The following CLASP2 variants were observed in gnomAD, a reference collection of about 807,000 sequenced individuals.
CLASP2 encodes cytoplasmic linker associated protein 2.
CLASP2 carries 47 observed loss-of-function variants against 194.4 expected under a neutral mutation model. The observed-to-expected ratio is 0.24, with a 90% CI of 0.19 to 0.31. The LOEUF (loss-of-function observed/expected upper bound fraction) is 0.31. Ranked by LOEUF, CLASP2 falls within the 10% of genes least tolerant of loss-of-function variation. The pLI is 1.00. For synonymous variants in CLASP2, 619 were observed against 633.5 expected (o/e 0.98, Z 0.34); for missense variants, 1,445 against 1,823.6 (o/e 0.79, Z 3.78).
intron 9 of CLASP2, among the ~76,000 whole-genome samples, chr3:33,631,218 A>G (rs2079025744): frequency 6.6e-6 from 1 of 152,236 alleles, no homozygotes; most frequent in Non-Finnish European, 1.5e-5. Context: ...GACAACAACA[A>G]GTATTGGCAA....
In CLASP2 at chr3:33,619,831, T is replaced by C. The variant is rs1410170922; in HGVS notation, c.1182-93A>G. The C allele has an allele frequency of 5.6e-6, 6 of 1,080,116 alleles. No individual in the cohort carries two copies. The African/African-American group carries it at 9.9e-5, about 18-fold the overall frequency. 66.9% of individuals were successfully genotyped at this position (1,080,116 alleles called of 1,614,324 possible). ...TAAAATACTCTTTTACTGAATTAACTTAGGAATTTGTATTTTAATCAGTTG... is the reference window on the plus strand; with the variant it reads ...TAAAATACTCTTTTACTGAATTAACCTAGGAATTTGTATTTTAATCAGTTG... On this transcript the variant is annotated intron_variant, in intron 11 of 38. Coordinates refer to ENST00000682230, the MANE Select transcript of CLASP2 (RefSeq NM_001365631.1).
intron 7 of CLASP2, among the ~76,000 whole-genome samples, chr3:33,647,362 G>A (rs1334013949): frequency 6.6e-6 from 1 of 152,118 alleles, no homozygotes; most frequent in African/African-American, 2.4e-5. Context: ...TGTTAAAAAT[G>A]CAAATTCCTG....
In CLASP2 at chr3:33,711,885, G is replaced by T. The variant is rs1575786627; in HGVS notation, c.195+5923C>A. 2.0e-5 allele frequency among the ~76,000 whole-genome samples: 3 copies of T among 152,120 alleles called. No homozygotes were observed. In the South Asian group the frequency reaches 6.2e-4, roughly 32 times the overall value. On this transcript the variant is annotated intron_variant, in intron 1 of 38. Coordinates refer to ENST00000682230, the MANE Select transcript of CLASP2 (RefSeq NM_001365631.1). Reference sequence around the variant, plus strand: ...AAGAGTCAAAAAACAATGGATGTTGGTGTCATGTGATGTGATGAAAAAGGA... The same window carrying T: ...AAGAGTCAAAAAACAATGGATGTTGTTGTCATGTGATGTGATGAAAAAGGA...
chr3:33,531,866 T>A (rs2056394347), intron 34 of CLASP2, among the ~76,000 whole-genome samples: 1 of 152,094 alleles, frequency 6.6e-6, no homozygotes, highest in Non-Finnish European at 1.5e-5. Context: ...ACAGCAACAA[T>A]GAAATAACTA....
intron 36 of CLASP2, among the ~76,000 whole-genome samples, chr3:33,514,941 A>G (rs1274023797): frequency 6.6e-6 from 1 of 152,208 alleles, no homozygotes; most frequent in African/African-American, 2.4e-5. Context: ...GGAATTGGCG[A>G]TCTTTTATTC....
intron 1 of CLASP2, among the ~76,000 whole-genome samples, chr3:33,714,294 A>G (rs967359102): frequency 1.2e-4 from 18 of 152,354 alleles, no homozygotes; most frequent in African/African-American, 4.3e-4. Context: ...CAAATGTCAG[A>G]CTACATATAT....
At chr3:33,591,035 G>C (rs1258590702) in intron 21 of CLASP2, among the ~76,000 whole-genome samples, 1 of 152,028 alleles carries the variant, frequency 6.6e-6, no homozygotes, top group African/African-American at 2.4e-5. Flanking sequence ...AATTAGCCGG[G>C]AGTGGTGGCA....
chr3:33,602,759 T>G, intron 18 of CLASP2, 193 bp downstream of exon 18: 1 of 692,508 alleles, frequency 1.4e-6, no homozygotes, highest in Non-Finnish European at 2.6e-6. Flanking sequence ...AAGACGATGA[T>G]GAGAACAAGG....
chr3:33,547,958 T>C (rs2059413764), intron 30 of CLASP2, among the ~76,000 whole-genome samples: 1 of 151,762 alleles, frequency 6.6e-6, no homozygotes. Context: ...TCAATTAATT[T>C]TTGTATAGAC....
intron 6 of CLASP2, among the ~76,000 whole-genome samples, chr3:33,671,080 C>A (rs2087085953): frequency 2.0e-5 from 3 of 152,000 alleles, no homozygotes; most frequent in Non-Finnish European, 4.4e-5. Flanking sequence ...TCTCCTATAC[C>A]CTTCCACCTG....
chr3:33,635,098 CA>C (rs112019765), intron 8 of CLASP2, among the ~76,000 whole-genome samples: 80 of 142,338 alleles, frequency 5.6e-4, no homozygotes, highest in Admixed American at 1.7e-3. Flanking sequence ...CTAAAAATAC[CA>C]AAAAAAAAAA....
intron 6 of CLASP2, among the ~76,000 whole-genome samples, chr3:33,675,169 A>G (rs1361747026): frequency 2.6e-5 from 4 of 152,146 alleles, no homozygotes; most frequent in Non-Finnish European, 1.5e-5. Flanking sequence ...CTTGATGAAC[A>G]TTGATGCAAA....
At chr3:33,590,336 A>G (rs2068447708) in intron 21 of CLASP2, among the ~76,000 whole-genome samples, 1 of 152,148 alleles carries the variant, frequency 6.6e-6, no homozygotes, top group African/African-American at 2.4e-5. Context: ...GATCTAAACC[A>G]GTATGTACTT....
intron 7 of CLASP2, among the ~76,000 whole-genome samples, chr3:33,656,614 C>T (rs1178436709): frequency 6.6e-6 from 1 of 152,044 alleles, no homozygotes; most frequent in Non-Finnish European, 1.5e-5. Flanking sequence ...TCAGAAATTC[C>T]ACGTCCAGAC....
chr3:33,634,480 C>T (rs542192466), intron 8 of CLASP2, among the ~76,000 whole-genome samples: 2 of 152,122 alleles, frequency 1.3e-5, no homozygotes, highest in African/African-American at 2.4e-5. Flanking sequence ...TTTACAAAAC[C>T]AGATAGCCAG....
At chr3:33,610,083 ATCAACACAGT>A (rs2074815146) in intron 13 of CLASP2, among the ~76,000 whole-genome samples, 1 of 152,198 alleles carries the variant, frequency 6.6e-6, no homozygotes, top group South Asian at 2.1e-4. Flanking sequence ...TCAATCAATT[ATCAACACAGT>A]TCAACACAGT....
In CLASP2 at chr3:33,559,202, C is replaced by T. The variant is rs762049856; in HGVS notation, c.3009+105G>A. The T allele has an allele frequency of 2.0e-5, 16 of 809,302 alleles. No individual in the cohort carries two copies. The South Asian group carries it at 2.1e-4, about 10-fold the overall frequency. 50.1% of individuals were successfully genotyped at this position (809,302 alleles called of 1,614,324 possible). A position where few individuals can be genotyped will look rare whatever the true frequency, so the allele number is the denominator to read the frequency against. ...TGAAAGTTTATAAAAACAAAACCCA[C>T]TGATTGAACAGCTTCTCATGTGACA... On this transcript the variant is annotated intron_variant, in intron 29 of 38. Transcript: ENST00000682230.
chr3:33,547,884 A>C (rs1440492228), intron 30 of CLASP2, among the ~76,000 whole-genome samples: 1 of 150,130 alleles, frequency 6.7e-6, no homozygotes, highest in Non-Finnish European at 1.5e-5. Context: ...GACCTCCCAG[A>C]CTCAAATGAT....
chr3:33,511,742 C>CTTA (rs2049902293), intron 36 of CLASP2, among the ~76,000 whole-genome samples: 1 of 65,966 alleles, frequency 1.5e-5, no homozygotes. Flanking sequence ...AAAAAGTGGG[C>CTTA]GAAGGACATG....
Sources: allele counts gnomAD v4.1 joint callset (sites outside exome capture counted in the v4.1 genomes callset), GRCh38; gene constraint gnomAD v4.1.1; transcripts MANE v1.5; gene names NCBI Gene and HGNC (gene_info 2026-07-23, HGNC 2026-07-21).